The following GRID2 variants were observed in gnomAD, a reference collection of about 807,000 sequenced individuals.
The protein encoded by GRID2 is glutamate ionotropic receptor delta type subunit 2.
GRID2 carries 33 observed loss-of-function variants against 114.8 expected under a neutral mutation model. The observed-to-expected ratio is 0.29, with a 90% confidence interval of 0.22 to 0.38. GRID2 has a LOEUF of 0.38. Ranked by LOEUF, GRID2 falls within the 10% of genes least tolerant of loss-of-function variation. The pLI is 1.00. For missense variants in GRID2, 1,184 were observed against 1,257.7 expected (o/e 0.94, Z 0.89); for synonymous variants, 505 against 449.9 (o/e 1.12, Z -1.55).
intron 2 of GRID2, among the ~76,000 whole-genome samples, chr4:92,650,262 TCTA>T (rs1731861767): frequency 6.6e-6 from 1 of 152,042 alleles, no homozygotes; most frequent in African/African-American, 2.4e-5. Flanking sequence ...ACGACCTTCT[TCTA>T]CTACCCATTT....
chr4:92,756,442 G>A (rs1395872140), intron 2 of GRID2, among the ~76,000 whole-genome samples: 1 of 151,996 alleles, frequency 6.6e-6, no homozygotes, highest in East Asian at 1.9e-4. Context: ...TTCTCTGTTT[G>A]ATTTTAAGAT....
chr4:92,682,682 G>GCACACA (rs57217377), intron 2 of GRID2, among the ~76,000 whole-genome samples: 24,154 of 142,612 alleles, frequency 0.17, 1,910 homozygotes, highest in East Asian at 0.21. Flanking sequence ...AAATCGCAGG[G>GCACACA]CACACACACA....
At chr4:93,354,844 A>C (rs1414658815) in intron 8 of GRID2, among the ~76,000 whole-genome samples, 1 of 146,996 alleles carries the variant, frequency 6.8e-6, no homozygotes, top group Non-Finnish European at 1.5e-5. Context: ...TATATATAAA[A>C]TGTTCAATAA....
intron 2 of GRID2, among the ~76,000 whole-genome samples, chr4:92,751,021 G>C (rs180845569): frequency 2.7e-4 from 41 of 152,176 alleles, no homozygotes; most frequent in African/African-American, 8.9e-4. Flanking sequence ...AATTGGAATG[G>C]TATTTGTTAA....
intron 7 of GRID2, among the ~76,000 whole-genome samples, chr4:93,226,779 G>A (rs1253988509): frequency 2.6e-5 from 4 of 152,178 alleles, no homozygotes; most frequent in Non-Finnish European, 4.4e-5. Flanking sequence ...CTGGAGACAA[G>A]TCTCTGCCTG....
At chr4:93,075,711 A>T (rs1250704295) in intron 2 of GRID2, among the ~76,000 whole-genome samples, 1 of 152,102 alleles carries the variant, frequency 6.6e-6, no homozygotes, top group African/African-American at 2.4e-5. Flanking sequence ...TTAAAATAGA[A>T]TATAAAAGTA....
chr4:92,785,475 A>G (rs1220129043), intron 2 of GRID2, among the ~76,000 whole-genome samples: 1 of 151,650 alleles, frequency 6.6e-6, no homozygotes, highest in Non-Finnish European at 1.5e-5. Flanking sequence ...GAGAAAAAAA[A>G]TATAAGAAAT....
rs376584737 is a variant in GRID2, at chr4:93,119,752, G to A, written c.735+8799G>A. Among the ~76,000 whole-genome samples, 222 of 152,264 alleles carry A rather than the reference G, an allele frequency of 1.5e-3. 5 individuals carry two copies. In the South Asian group the frequency reaches 0.044, roughly 30 times the overall value. On this transcript the variant is annotated intron_variant, in intron 4 of 15. Coordinates refer to ENST00000282020, the MANE Select transcript of GRID2 (RefSeq NM_001510.4). ...AAAGTTACATATTTCAAATATGTAT[G>A]CAGCTTCCCAAAAATAAGCCTTTGG...
chr4:93,644,433 A>G (rs77012383), intron 14 of GRID2, among the ~76,000 whole-genome samples: 17,962 of 151,882 alleles, frequency 0.12, 1,123 homozygotes, highest in Middle Eastern at 0.14. Context: ...AAAAATCGTG[A>G]GATTTCTACT....
chr4:93,653,445 A>G (rs1194083513), intron 14 of GRID2, among the ~76,000 whole-genome samples: 1 of 152,194 alleles, frequency 6.6e-6, no homozygotes, highest in Non-Finnish European at 1.5e-5. Flanking sequence ...CACACTTCTA[A>G]GAAGAACATG....
intron 1 of GRID2, among the ~76,000 whole-genome samples, chr4:92,525,636 A>ACTG (rs1725005350): frequency 6.6e-6 from 1 of 152,122 alleles, no homozygotes. Context: ...ACCTCCTGAC[A>ACTG]CTGGAGTCTG....
At chr4:92,757,161 T>G (rs1046617662) in intron 2 of GRID2, among the ~76,000 whole-genome samples, 1 of 152,190 alleles carries the variant, frequency 6.6e-6, no homozygotes. Context: ...TTTATTCTTC[T>G]GTATATGGAC....
intron 2 of GRID2, among the ~76,000 whole-genome samples, chr4:92,625,103 T>A (rs1247151252): frequency 6.6e-6 from 1 of 151,794 alleles, no homozygotes; most frequent in African/African-American, 2.4e-5. Flanking sequence ...CCTGCCATCA[T>A]TTAGGAGAGA....
chr4:93,236,051 G>A (rs1397928827), intron 7 of GRID2, among the ~76,000 whole-genome samples: 4 of 152,028 alleles, frequency 2.6e-5, no homozygotes, highest in African/African-American at 9.7e-5. Context: ...GTGTGATTAT[G>A]AACAAGAAAA....
rs377485042 is a variant in GRID2, at chr4:92,569,742, G to GT, written c.89-20383dup. On this transcript the variant is annotated intron_variant, in intron 1 of 15. Coordinates refer to ENST00000282020, the MANE Select transcript of GRID2 (RefSeq NM_001510.4). Reference sequence around the variant, plus strand: ...ATCAGTGGGGTTGATCTTTTTTCATGTTTTTTGGCTACATGTATGCCTTCT... The same window carrying GT: ...ATCAGTGGGGTTGATCTTTTTTCATGTTTTTTTGGCTACATGTATGCCTTCT... Among the ~76,000 whole-genome samples, 1,061 of 152,004 alleles carry GT rather than the reference G, an allele frequency of 7.0e-3. 11 individuals carry two copies. The highest frequency in any genetic ancestry group is 0.022 in the African/African-American group (924 of 41,474).
intron 14 of GRID2, among the ~76,000 whole-genome samples, chr4:93,725,506 G>A (rs1276034307): frequency 2.0e-5 from 3 of 151,916 alleles, no homozygotes; most frequent in Admixed American, 6.5e-5. Flanking sequence ...CCCAGTAATG[G>A]GATGGCTGGG....
chr4:93,102,205 G>C (rs1731769544), intron 3 of GRID2, among the ~76,000 whole-genome samples: 3 of 152,036 alleles, frequency 2.0e-5, no homozygotes, highest in Admixed American at 2.0e-4. Flanking sequence ...AGACATGTTG[G>C]CTCCTGCAAT....
intron 8 of GRID2, among the ~76,000 whole-genome samples, chr4:93,240,068 G>A (rs887974131): frequency 7.3e-5 from 11 of 151,532 alleles, no homozygotes; most frequent in African/African-American, 2.7e-4. Flanking sequence ...TTTTTAGACT[G>A]CTATAAGCTG....
chr4:92,687,429 G>A lies in GRID2; in HGVS notation c.244+97143G>A, dbSNP rs181316066. On this transcript the variant is annotated intron_variant, in intron 2 of 15. Transcript: ENST00000282020. Reference sequence around the variant, plus strand: ...ATTGCAATAAAGCAATTCACACACTGTTTTTAGCTTCCAAGTGAAAATAAC... The same window carrying A: ...ATTGCAATAAAGCAATTCACACACTATTTTTAGCTTCCAAGTGAAAATAAC... Among the ~76,000 whole-genome samples, 184 of 152,192 alleles carry A rather than the reference G, an allele frequency of 1.2e-3. 2 individuals are homozygous for A. Among genetic ancestry groups the A allele is most frequent in the African/African-American group, 4.2e-3 (174 of 41,542 alleles).
Sources: gnomAD v4.1 joint callset for allele counts (sites outside exome capture counted in the v4.1 genomes callset) on GRCh38, gnomAD v4.1.1 for gene constraint, MANE v1.5 for transcripts, NCBI Gene and HGNC (gene_info 2026-07-23, HGNC 2026-07-21) for gene names.